DNAL1: variants seen among roughly 807,000 people sequenced by gnomAD.
The protein encoded by DNAL1 is dynein axonemal light chain 1.
Under a neutral mutation model 29.4 loss-of-function variants are expected in DNAL1, and 17 were observed. The ratio of observed to expected loss-of-function variants is 0.58; its 90% CI spans 0.40 to 0.87. DNAL1 has a LOEUF of 0.87. Ranked by LOEUF, DNAL1 falls within the 40% of genes least tolerant of loss-of-function variation. The pLI, the probability that DNAL1 is intolerant of heterozygous loss-of-function variation, is 0.00. For missense variants in DNAL1, 188 were observed against 214.1 expected (o/e 0.88, Z 0.76); for synonymous variants, 78 against 76.3 (o/e 1.02, Z -0.12).
intron 7 of DNAL1, among the ~76,000 whole-genome samples, chr14:73,690,138 A>G (rs1029758429): frequency 1.3e-5 from 2 of 152,150 alleles, no homozygotes; most frequent in African/African-American, 4.8e-5. Flanking sequence ...CAATGAGGCA[A>G]GAAGATTGCT....
chr14:73,672,093 GC>G (rs1255410466), intron 5 of DNAL1, among the ~76,000 whole-genome samples: 1 of 152,158 alleles, frequency 6.6e-6, no homozygotes, highest in Non-Finnish European at 1.5e-5. Flanking sequence ...AGCTGAAATT[GC>G]AGTGGTTTCC....
chr14:73,690,261 T>C (rs1294012781), intron 7 of DNAL1, among the ~76,000 whole-genome samples: 1 of 152,120 alleles, frequency 6.6e-6, no homozygotes, highest in African/African-American at 2.4e-5. Context: ...TCTGCTATGT[T>C]GGATTAAAGC....
chr14:73,654,594 C>T (rs1236526943), intron 1 of DNAL1, among the ~76,000 whole-genome samples: 1 of 152,066 alleles, frequency 6.6e-6, no homozygotes, highest in Non-Finnish European at 1.5e-5. Context: ...CCCATCTCTA[C>T]TAAAAATACA....
At chr14:73,662,335 G>A (rs191746724) in intron 4 of DNAL1, among the ~76,000 whole-genome samples, 84 of 152,240 alleles carry the variant, frequency 5.5e-4, no homozygotes, top group African/African-American at 1.9e-3. Flanking sequence ...TGTATTGTCT[G>A]TATTTCAAAC....
rs1050149262 is a variant in DNAL1 at position 73,686,543 on chromosome 14, CA to C, written c.265-711del. Among the ~76,000 whole-genome samples, 5 of 151,992 alleles carry C rather than the reference CA, an allele frequency of 3.3e-5. No individual in the cohort carries two copies. The East Asian group carries it at 9.7e-4, about 29-fold the overall frequency. On this transcript the variant is annotated intron_variant, in intron 5 of 7. Transcript: ENST00000553645. ...ACATCTCTACAAAACCCATCTCTAC[CA>C]AAAAGACAAAAATTAGCCAGATGTG...
chr14:73,684,924 T>C (rs1891978563), intron 5 of DNAL1, among the ~76,000 whole-genome samples: 1 of 140,692 alleles, frequency 7.1e-6, no homozygotes, highest in African/African-American at 2.4e-5. Flanking sequence ...AAAAATAGAT[T>C]TTATGGCATT....
In DNAL1 at chr14:73,701,349, A is replaced by G. The variant is rs1051502934; in HGVS notation, c.*5407A>G. On this transcript the variant is annotated 3_prime_UTR_variant, in exon 8 of 8. Transcript: ENST00000553645. Reference sequence around the variant, plus strand: ...CTTGGATGTTAGAGAATCAAACCTCACCCTTGCTCGTTCTAAACCCACATG... The same window carrying G: ...CTTGGATGTTAGAGAATCAAACCTCGCCCTTGCTCGTTCTAAACCCACATG... 2.0e-5 allele frequency: 3 copies of G among 151,464 alleles called. No homozygotes were observed. The highest frequency in any genetic ancestry group is 7.3e-5 in the African/African-American group (3 of 41,058). The allele number at this position is 151,464 out of a possible 1,614,324, so 9.4% of individuals were successfully genotyped here. A position where few individuals can be genotyped will look rare whatever the true frequency, so the allele number is the denominator to read the frequency against.
Position 73,650,939 on chromosome 14 carries a change from G to A in DNAL1, c.4-3908G>A, listed in dbSNP as rs559626779. On this transcript the variant is annotated intron_variant, in intron 1 of 7. Coordinates refer to ENST00000553645, the MANE Select transcript of DNAL1 (RefSeq NM_031427.4). The stretch of plus-strand genomic sequence containing the variant: ...CTACAGGCATGTGTCACCAAACCCA[G>A]CTGCTGAGAGCTTTTAACATCAAAT... Among the ~76,000 whole-genome samples the A allele has an allele frequency of 1.2e-4, 18 of 152,320 alleles. No homozygotes were observed. The South Asian group carries it at 2.5e-3, about 21-fold the overall frequency.
chr14:73,673,443 G>A (rs1163763541), intron 5 of DNAL1, among the ~76,000 whole-genome samples: 1 of 152,166 alleles, frequency 6.6e-6, no homozygotes, highest in African/African-American at 2.4e-5. Context: ...TTAAAGGTAT[G>A]TATTGTGTAT....
intron 3 of DNAL1, among the ~76,000 whole-genome samples, chr14:73,660,136 G>T (rs1891310953): frequency 6.6e-6 from 1 of 151,882 alleles, no homozygotes; most frequent in African/African-American, 2.4e-5. Context: ...CACCATGTTG[G>T]CCAGGCTGGT....
intron 4 of DNAL1, among the ~76,000 whole-genome samples, chr14:73,663,584 C>G (rs1421670759): frequency 6.6e-6 from 1 of 152,014 alleles, no homozygotes; most frequent in Non-Finnish European, 1.5e-5. Context: ...ATTTCACAAC[C>G]TATTAATTTA....
In DNAL1 at chr14:73,659,010, T is replaced by A. The variant is rs879441623; in HGVS notation, c.152+54T>A. 3 of 1,239,524 alleles carry A rather than the reference T, an allele frequency of 2.4e-6. No homozygotes were observed. In the African/African-American group the frequency reaches 4.6e-5, roughly 19 times the overall value. The allele number at this position is 1,239,524 out of a possible 1,614,324, so 76.8% of individuals were successfully genotyped here. On this transcript the variant is annotated intron_variant, in intron 3 of 7. Transcript: ENST00000553645. ...TGCTGTTAGGTTTCCCTTTCTTTTC[T>A]TAAACACACAAAGTAGGAAAATATG...
chr14:73,674,467 A>G (rs376672328), intron 5 of DNAL1, among the ~76,000 whole-genome samples: 2 of 150,478 alleles, frequency 1.3e-5, no homozygotes, highest in African/African-American at 5.0e-5. Flanking sequence ...CTCCTTCTTG[A>G]TCTTTACACC....
intron 1 of DNAL1, among the ~76,000 whole-genome samples, chr14:73,650,158 A>G (rs1029937650): frequency 1.3e-5 from 2 of 151,672 alleles, no homozygotes; most frequent in African/African-American, 4.9e-5. Flanking sequence ...TAATTTTTTT[A>G]TCTTTATTTT....
intron 7 of DNAL1, 151 bp downstream of exon 7, chr14:73,689,666 G>C: frequency 8.5e-7 from 1 of 1,172,350 alleles, no homozygotes; most frequent in Non-Finnish European, 1.2e-6. Context: ...GTCTAGGTTT[G>C]AGCCAAGGTG....
chr14:73,691,233 T>C (rs1892164469), intron 7 of DNAL1, among the ~76,000 whole-genome samples: 2 of 152,196 alleles, frequency 1.3e-5, no homozygotes, highest in African/African-American at 4.8e-5. Flanking sequence ...AACGTTGTGC[T>C]TAACATAAAG....
chr14:73,665,645 G>T (rs1421344789), intron 4 of DNAL1, among the ~76,000 whole-genome samples: 1 of 152,094 alleles, frequency 6.6e-6, no homozygotes, highest in African/African-American at 2.4e-5. Flanking sequence ...ACAAACATTA[G>T]CCAGGTGTGG....
chr14:73,683,684 TTTTA>T (rs549968795), intron 5 of DNAL1, among the ~76,000 whole-genome samples: 2 of 150,218 alleles, frequency 1.3e-5, no homozygotes, highest in South Asian at 2.1e-4. Context: ...GATCAGCTTT[TTTTA>T]TTTATTTATT....
chr14:73,684,006 C>T (rs1016680018), intron 5 of DNAL1, among the ~76,000 whole-genome samples: 5 of 152,116 alleles, frequency 3.3e-5, no homozygotes, highest in South Asian at 2.1e-4. Context: ...CGCACCTGGC[C>T]GAGATCAACT....
Sources: allele counts gnomAD v4.1 joint callset (sites outside exome capture counted in the v4.1 genomes callset), GRCh38; gene constraint gnomAD v4.1.1; transcripts MANE v1.5; gene names NCBI Gene and HGNC (gene_info 2026-07-23, HGNC 2026-07-21).